Variants in PCOLCE2 observed in about 807,000 individuals in gnomAD.
The protein encoded by PCOLCE2 is procollagen C-proteinase enhancer 2.
PCOLCE2 carries 42 observed loss-of-function variants against 47.0 expected under a neutral mutation model. The observed-to-expected ratio is 0.89, with a 90% confidence interval of 0.70 to 1.16. The LOEUF is 1.16. Among genes scored for constraint, PCOLCE2 ranks in the 50% most tolerant of loss-of-function variants. The pLI, the probability that PCOLCE2 is intolerant of heterozygous loss-of-function variation, is 0.00. For synonymous variants in PCOLCE2, 169 were observed against 191.7 expected (o/e 0.88, Z 0.98); for missense variants, 500 against 526.1 (o/e 0.95, Z 0.49).
At chr3:142,820,531 G>A (rs548284082) in intron 8 of PCOLCE2, among the ~76,000 whole-genome samples, 60 of 152,090 alleles carry the variant, frequency 3.9e-4, no homozygotes, top group African/African-American at 1.4e-3. Context: ...TCTGAACTTC[G>A]GGTCTGCATT....
At chr3:142,844,029 T>C (rs956939078) in intron 3 of PCOLCE2, among the ~76,000 whole-genome samples, 2 of 152,196 alleles carry the variant, frequency 1.3e-5, no homozygotes, top group Non-Finnish European at 2.9e-5. Context: ...ATTCTATCTA[T>C]ATTGCCACCC....
chr3:142,833,058 G>A (rs570774745), intron 5 of PCOLCE2, among the ~76,000 whole-genome samples: 1 of 152,156 alleles, frequency 6.6e-6, no homozygotes, highest in Non-Finnish European at 1.5e-5. Context: ...CCTGAATTTT[G>A]TGCTTATCAT....
chr3:142,853,511 A>T (rs1156681981), intron 2 of PCOLCE2, among the ~76,000 whole-genome samples: 1 of 152,200 alleles, frequency 6.6e-6, no homozygotes, highest in Non-Finnish European at 1.5e-5. Context: ...TTAAAGCTTA[A>T]CATCAAAAAT....
chr3:142,819,198 T>C (rs922967994), intron 8 of PCOLCE2, among the ~76,000 whole-genome samples: 7 of 152,216 alleles, frequency 4.6e-5, no homozygotes, highest in African/African-American at 1.4e-4. Context: ...TTATACTATG[T>C]TTTTATACAT....
intron 2 of PCOLCE2, among the ~76,000 whole-genome samples, chr3:142,878,558 C>T (rs1470016725): frequency 2.6e-5 from 4 of 152,128 alleles, no homozygotes; most frequent in African/African-American, 9.7e-5. Context: ...AAAGCGACAG[C>T]ACACAAAAGC....
In PCOLCE2 at chr3:142,873,932, T is replaced by TG. The variant is rs569417959; in HGVS notation, c.192+13736dup. Among the ~76,000 whole-genome samples the TG allele has an allele frequency of 9.8e-5, 15 of 152,360 alleles. No individual in the cohort carries two copies. The South Asian group carries it at 2.9e-3, about 29-fold the overall frequency. ...GAAGTCTCCTAATATGGTCTGGCTCTGGGTCCCCACCCAAATCTCATCTCA... is the reference window on the plus strand; with the variant it reads ...GAAGTCTCCTAATATGGTCTGGCTCTGGGGTCCCCACCCAAATCTCATCTCA... On this transcript the variant is annotated intron_variant, in intron 2 of 8. Transcript: ENST00000295992.
At chr3:142,832,746 C>T (rs914745375) in intron 5 of PCOLCE2, among the ~76,000 whole-genome samples, 12 of 142,180 alleles carry the variant, frequency 8.4e-5, no homozygotes, top group African/African-American at 3.0e-4. Flanking sequence ...TGTTTCTGAA[C>T]AGAATTCAAT....
chr3:142,844,964 C>T (rs1937307448), intron 3 of PCOLCE2, among the ~76,000 whole-genome samples: 1 of 152,152 alleles, frequency 6.6e-6, no homozygotes, highest in Non-Finnish European at 1.5e-5. Flanking sequence ...TTGTAGACAA[C>T]ATATAGTTGG....
intron 2 of PCOLCE2, among the ~76,000 whole-genome samples, chr3:142,850,164 T>C (rs905409091): frequency 6.6e-6 from 1 of 151,218 alleles, no homozygotes; most frequent in African/African-American, 2.4e-5. Context: ...CTTCCTGTCT[T>C]TTGCTTTGTT....
intron 3 of PCOLCE2, chr3:142,843,380 A>G: frequency 2.2e-6 from 1 of 449,916 alleles, no homozygotes; most frequent in South Asian, 1.6e-5. Context: ...AAAATCATAG[A>G]GATGTTAAGG....
chr3:142,862,782 C>A (rs559376914), intron 2 of PCOLCE2, among the ~76,000 whole-genome samples: 2 of 152,210 alleles, frequency 1.3e-5, no homozygotes, highest in East Asian at 3.9e-4. Flanking sequence ...ATACTACCAT[C>A]TGTAATGGCT....
intron 1 of PCOLCE2, among the ~76,000 whole-genome samples, chr3:142,888,121 G>A (rs1933749533): frequency 6.6e-6 from 1 of 152,200 alleles, no homozygotes; most frequent in South Asian, 2.1e-4. Flanking sequence ...GGCTGAATGA[G>A]AAGCATGGTT....
chr3:142,826,170 A>T (rs1373377095), intron 6 of PCOLCE2, among the ~76,000 whole-genome samples: 1 of 151,858 alleles, frequency 6.6e-6, no homozygotes, highest in African/African-American at 2.4e-5. Flanking sequence ...ACGCCCGGCT[A>T]ATTTTTTTGT....
At chr3:142,821,317 A>G (rs1048923327) in intron 7 of PCOLCE2, among the ~76,000 whole-genome samples, 1 of 152,136 alleles carries the variant, frequency 6.6e-6, no homozygotes, top group African/African-American at 2.4e-5. Flanking sequence ...GAAACTCTTT[A>G]AAACGTTTTA....
intron 2 of PCOLCE2, among the ~76,000 whole-genome samples, chr3:142,882,100 G>A (rs1239699296): frequency 6.6e-6 from 1 of 151,758 alleles, no homozygotes; most frequent in African/African-American, 2.4e-5. Context: ...CACAATCATA[G>A]CTCACTGCAC....
At chr3:142,840,664 A>C (rs1937254259) in intron 4 of PCOLCE2, among the ~76,000 whole-genome samples, 1 of 152,238 alleles carries the variant, frequency 6.6e-6, no homozygotes, top group African/African-American at 2.4e-5. Flanking sequence ...ATTCATACTT[A>C]AGATGGCTTT....
chr3:142,888,720 C>T (rs1933765111), intron 1 of PCOLCE2, 94 bp downstream of exon 1: 2 of 739,040 alleles, frequency 2.7e-6, no homozygotes, highest in East Asian at 6.8e-5. Context: ...GTCACCCAGG[C>T]GCGCCGAAGC....
At chr3:142,839,602 C>T (rs1937243132) in intron 4 of PCOLCE2, among the ~76,000 whole-genome samples, 1 of 152,202 alleles carries the variant, frequency 6.6e-6, no homozygotes, top group African/African-American at 2.4e-5. Context: ...CATGAGCCAC[C>T]ATGCCCAGCC....
At chr3:142,818,486 A>C (rs1486354804) in intron 8 of PCOLCE2, 21 bp from the exon 9 acceptor site, 1 of 1,588,622 alleles carries the variant, frequency 6.3e-7, no homozygotes, top group Non-Finnish European at 8.6e-7. Context: ...AGAATACAGA[A>C]ATTAATCTTT....
Sources: gnomAD v4.1 joint callset for allele counts (sites outside exome capture counted in the v4.1 genomes callset) on GRCh38, gnomAD v4.1.1 for gene constraint, MANE v1.5 for transcripts, NCBI Gene and HGNC (gene_info 2026-07-23, HGNC 2026-07-21) for gene names.